ZNF445: variants seen among roughly 807,000 people sequenced by gnomAD.
ZNF445 encodes the protein zinc finger protein 168.
ZNF445 carries 19 observed loss-of-function variants against 93.9 expected under a neutral mutation model. The ratio of observed to expected loss-of-function variants is 0.20; its 90% CI spans 0.14 to 0.30. The LOEUF (loss-of-function observed/expected upper bound fraction) is 0.30, where lower values mean the gene tolerates loss of function less well. Ranked by LOEUF, ZNF445 falls within the 10% of genes least tolerant of loss-of-function variation. ZNF445 has a pLI of 1.00. For missense variants in ZNF445, 1,058 were observed against 1,259.4 expected, an observed-to-expected ratio of 0.84 and a Z score of 2.42; for synonymous variants, 449 against 446.3, an observed-to-expected ratio of 1.01 and a Z score of -0.08.
intron 1 of ZNF445, among the ~76,000 whole-genome samples, chr3:44,460,101 A>G (rs1283231514): frequency 6.6e-6 from 1 of 152,242 alleles, no homozygotes; most frequent in East Asian, 1.9e-4. Context: ...ATAGACATTT[A>G]CATGAGTGTA....
chr3:44,457,310 T>C (rs908412252), intron 2 of ZNF445, among the ~76,000 whole-genome samples: 1 of 152,078 alleles, frequency 6.6e-6, no homozygotes. Context: ...CTCTTTCTGC[T>C]GCCCAGGCTG....
At position 44,446,730 on chromosome 3, in the gene ZNF445, T is replaced by C; in HGVS notation, c.2941A>G (p.Ser981Gly). The C allele has an allele frequency of 6.2e-7, 1 of 1,614,252 alleles. No individual in the cohort carries two copies. The highest frequency in any genetic ancestry group is 8.5e-7 in the Non-Finnish European group (1 of 1,180,046). ...ISIGKKCHKC[S>G]ICGKTFNKSS... ...TTGTTAAAAGTTTTCCCACATATGCTGCATTTGTGGCACTTTTTCCCAATG... is the reference window on the plus strand; with the variant it reads ...TTGTTAAAAGTTTTCCCACATATGCCGCATTTGTGGCACTTTTTCCCAATG... The change falls in exon 8 of 8, where the codon AGC becomes GGC. Residue 981 changes from serine (S) to glycine (G), a missense_variant. Around this residue, in one of 3 missense-constraint regions of ZNF445, gnomAD observed 387 missense variants for 475.7 expected, o/e 0.81. Transcript: ENST00000396077. This position sits in a 1 kb window ranked among gnomAD's most constrained non-coding sequence, Gnocchi z 4.2.
chr3:44,465,567 T>A (rs1159970533), intron 1 of ZNF445, among the ~76,000 whole-genome samples: 1 of 152,238 alleles, frequency 6.6e-6, no homozygotes, highest in Non-Finnish European at 1.5e-5. Context: ...TATGAAAATC[T>A]TACCTTATGG....
intron 1 of ZNF445, among the ~76,000 whole-genome samples, chr3:44,461,414 T>A (rs1463679663): frequency 6.6e-6 from 1 of 152,210 alleles, no homozygotes; most frequent in African/African-American, 2.4e-5. Flanking sequence ...TAGAAGGCTG[T>A]CTGTCTCATC....
chr3:44,449,037 A>G (rs1319245953), intron 7 of ZNF445, among the ~76,000 whole-genome samples: 1 of 152,200 alleles, frequency 6.6e-6, no homozygotes, highest in African/African-American at 2.4e-5. Flanking sequence ...TCATGGCATT[A>G]TAGAAAGGTA....
chr3:44,442,006 C>T lies in ZNF445; in HGVS notation c.*4569G>A, dbSNP rs980037197. The stretch of plus-strand genomic sequence containing the variant: ...CATGCATTACTTCATTGACCACCCC[C>T]CCACCCACAATCACCCTGTGAGATT... On this transcript the variant is annotated 3_prime_UTR_variant, in exon 8 of 8. Transcript: ENST00000396077. 2.6e-5 allele frequency: 4 copies of T among 152,612 alleles called. No individual in the cohort carries two copies. In the East Asian group the frequency reaches 5.8e-4, roughly 22 times the overall value. 9.5% of individuals were successfully genotyped at this position (152,612 alleles called of 1,614,324 possible). A position where few individuals can be genotyped will look rare whatever the true frequency, so the allele number is the denominator to read the frequency against.
chr3:44,446,447 TTC>T lies in ZNF445; in HGVS notation c.*126_*127del. 1 of 1,398,108 alleles carries T rather than the reference TTC, an allele frequency of 7.2e-7. No homozygotes were observed. The highest frequency in any genetic ancestry group is 9.7e-7 in the Non-Finnish European group (1 of 1,033,190). The allele number at this position is 1,398,108 out of a possible 1,614,324, so 86.6% of individuals were successfully genotyped here. A position where few individuals can be genotyped will look rare whatever the true frequency, so the allele number is the denominator to read the frequency against. On this transcript the variant is annotated 3_prime_UTR_variant, in exon 8 of 8. Coordinates refer to ENST00000396077, the MANE Select transcript of ZNF445 (RefSeq NM_181489.6). The surrounding 1 kb of genome is among the most constrained non-coding windows in gnomAD (Gnocchi z 4.2). Reference sequence around the variant, plus strand: ...TCCCCGAGCTTTCAAATCCTTGGGATTCTGTCACTAGCTTCCAAAACAGAAAG... The same window carrying T: ...TCCCCGAGCTTTCAAATCCTTGGGATTGTCACTAGCTTCCAAAACAGAAAG...
At chr3:44,458,067 A>G (rs906966756) in intron 2 of ZNF445, among the ~76,000 whole-genome samples, 177 bp downstream of exon 2, 4 of 151,414 alleles carry the variant, frequency 2.6e-5, no homozygotes, top group Non-Finnish European at 5.9e-5. Flanking sequence ...AAACTATACA[A>G]CTTTTAGAAA....
intron 1 of ZNF445, among the ~76,000 whole-genome samples, chr3:44,470,036 T>C (rs536265389): frequency 6.6e-6 from 1 of 152,198 alleles, no homozygotes; most frequent in Admixed American, 6.5e-5. Flanking sequence ...CAAGTGATCC[T>C]CCCACCTCAA....
At position 44,444,129 on chromosome 3, in the gene ZNF445, T is replaced by A. The variant is rs574417713; in HGVS notation, c.*2446A>T. The A allele has an allele frequency of 6.6e-6, 1 of 152,306 alleles. No homozygotes were observed. Among genetic ancestry groups the A allele is most frequent in the South Asian group, 2.1e-4 (1 of 4,820 alleles). 9.4% of individuals were successfully genotyped at this position (152,306 alleles called of 1,614,324 possible). On this transcript the variant is annotated 3_prime_UTR_variant, in exon 8 of 8. Coordinates refer to ENST00000396077, the MANE Select transcript of ZNF445 (RefSeq NM_181489.6). ...CACTGCACTCCACCCTGGGCAACCC[T>A]GTCTCAAAAAATAAAAAAGACAGTA... is the stretch of plus-strand genomic sequence containing the variant.
intron 1 of ZNF445, among the ~76,000 whole-genome samples, chr3:44,470,749 A>T (rs144491733): frequency 3.0e-3 from 459 of 152,370 alleles, no homozygotes; most frequent in Non-Finnish European, 3.9e-3. Context: ...ATTTATAAAC[A>T]GCAAAGTGAT....
intron 1 of ZNF445, among the ~76,000 whole-genome samples, chr3:44,468,048 T>C (rs1410746054): frequency 6.6e-6 from 1 of 152,222 alleles, no homozygotes; most frequent in African/African-American, 2.4e-5. Context: ...AAAATACTAA[T>C]GTTCTAGCCA....
At chr3:44,463,851 G>A (rs1213934527) in intron 1 of ZNF445, among the ~76,000 whole-genome samples, 1 of 151,736 alleles carries the variant, frequency 6.6e-6, no homozygotes, top group East Asian at 1.9e-4. Context: ...CTGTCGACTG[G>A]TCATGGTAGC....
intron 1 of ZNF445, among the ~76,000 whole-genome samples, chr3:44,470,824 A>G (rs1698258705): frequency 1.3e-5 from 2 of 152,346 alleles, no homozygotes; most frequent in South Asian, 4.1e-4. Flanking sequence ...TGGCAGATGC[A>G]CAGTAGAAGG....
rs913743854 is a variant in ZNF445, at chr3:44,437,200, G to A, written c.*9375C>T. 6.6e-6 allele frequency: 1 copy of A among 152,198 alleles called. No homozygotes were observed. Among genetic ancestry groups the A allele is most frequent in the Non-Finnish European group, 1.5e-5 (1 of 68,026 alleles). 9.4% of individuals were successfully genotyped at this position (152,198 alleles called of 1,614,324 possible). A position where few individuals can be genotyped will look rare whatever the true frequency, so the allele number is the denominator to read the frequency against. Reference sequence around the variant, plus strand: ...GTAAACTGTCATGGCACTGGTGGGAGGGTAGCAGTGAGGATGACCAGAGGT... The same window carrying A: ...GTAAACTGTCATGGCACTGGTGGGAAGGTAGCAGTGAGGATGACCAGAGGT... On this transcript the variant is annotated 3_prime_UTR_variant, in exon 8 of 8. Coordinates refer to ENST00000396077, the MANE Select transcript of ZNF445 (RefSeq NM_181489.6).
At chr3:44,471,270 T>C (rs1380632385) in intron 1 of ZNF445, among the ~76,000 whole-genome samples, 1 of 152,176 alleles carries the variant, frequency 6.6e-6, no homozygotes. Context: ...TACCCAGACA[T>C]TATTGGTGGA....
chr3:44,470,774 A>C (rs1366212312), intron 1 of ZNF445, among the ~76,000 whole-genome samples: 1 of 152,210 alleles, frequency 6.6e-6, no homozygotes, highest in Non-Finnish European at 1.5e-5. Context: ...AATTCTCTTA[A>C]GAAGCAAAGC....
rs1697679594 is a variant in ZNF445 at position 44,436,353 on chromosome 3, C to CT, written c.*10221dup. On this transcript the variant is annotated 3_prime_UTR_variant, in exon 8 of 8. Coordinates refer to ENST00000396077, the MANE Select transcript of ZNF445 (RefSeq NM_181489.6). The stretch of plus-strand genomic sequence containing the variant: ...ACCACACCAATTGTGTTTTTGGTGA[C>CT]TAAGTGTTACCATATGGTCCCTGCC... 6.6e-6 allele frequency: 1 copy of CT among 152,214 alleles called. No individual in the cohort carries two copies. The highest frequency in any genetic ancestry group is 6.5e-5 in the Admixed American group (1 of 15,270). The allele number at this position is 152,214 out of a possible 1,614,324, so 9.4% of individuals were successfully genotyped here.
In ZNF445 at chr3:44,450,466, A is replaced by G. The variant is rs763949245; in HGVS notation, c.801T>C (p.Tyr267=). ...NLYRDVMLEN[Y]RNMASLVGPF... ...ACTTACCCAGGGAAGCCATGTTCCT[A>G]TAATTCTCCAGCATCACATCCCTGT... Residue 267 remains tyrosine, a synonymous_variant, in exon 6 of 8, where the codon TAT becomes TAC. Coordinates refer to ENST00000396077, the MANE Select transcript of ZNF445 (RefSeq NM_181489.6). 1.3e-5 allele frequency: 21 copies of G among 1,614,202 alleles called. No individual in the cohort carries two copies. Among genetic ancestry groups the G allele is most frequent in the Middle Eastern group, 1.6e-4 (1 of 6,062 alleles).
Sources: gnomAD v4.1 joint callset for allele counts (sites outside exome capture counted in the v4.1 genomes callset) on GRCh38, gnomAD v4.1.1 for gene constraint, gnomAD v4.1.1 regional missense constraint, Gnocchi (gnomAD v3.1) non-coding constraint, MANE v1.5 for transcripts, NCBI Gene and HGNC (gene_info 2026-07-23, HGNC 2026-07-21) for gene names.